The following THSD7B variants were observed in gnomAD, a reference collection of about 807,000 sequenced individuals.
The protein encoded by THSD7B is thrombospondin type-1 domain-containing protein 7B.
A neutral mutation model predicts 213.6 loss-of-function variants in THSD7B; 138 were observed. The observed-to-expected ratio is 0.65, with a 90% CI of 0.56 to 0.74. THSD7B has a LOEUF of 0.74. THSD7B is among the 30% of genes least tolerant of loss of function. The pLI is 0.00. For synonymous variants in THSD7B, 742 were observed against 687.0 expected, an observed-to-expected ratio of 1.08 and a Z score of -1.25; for missense variants, 1,931 against 1,991.5, an observed-to-expected ratio of 0.97 and a Z score of 0.58.
rs1470670543 is a variant in THSD7B, at chr2:137,177,344, G to C, written c.1723+6406G>C. The stretch of plus-strand genomic sequence containing the variant: ...AGGTTACTCTTATTTTCATTTTTTA[G>C]TTGATTCCAGATTGTATTGGAATAG... On this transcript the variant is annotated intron_variant, in intron 7 of 27. Transcript: ENST00000409968. Among the ~76,000 whole-genome samples the C allele has an allele frequency of 2.0e-5, 3 of 152,066 alleles. No homozygotes were observed. In the East Asian group the frequency reaches 5.8e-4, roughly 29 times the overall value.
chr2:137,296,434 T>C (rs1244803768), intron 12 of THSD7B, among the ~76,000 whole-genome samples: 1 of 152,152 alleles, frequency 6.6e-6, no homozygotes, highest in African/African-American at 2.4e-5. Flanking sequence ...GGGGCTAACA[T>C]ACAAGTTGGT....
At chr2:137,189,172 T>A (rs1680610233) in intron 7 of THSD7B, among the ~76,000 whole-genome samples, 1 of 152,160 alleles carries the variant, frequency 6.6e-6, no homozygotes, top group African/African-American at 2.4e-5. Flanking sequence ...CCCTGGCTGC[T>A]GCTTTGTTAG....
At chr2:137,364,568 G>T (rs1350373614) in intron 12 of THSD7B, among the ~76,000 whole-genome samples, 1 of 152,098 alleles carries the variant, frequency 6.6e-6, no homozygotes, top group Non-Finnish European at 1.5e-5. Flanking sequence ...AAATCAATGT[G>T]CCAAAATCAC....
chr2:137,369,047 C>G (rs1039712993), intron 12 of THSD7B, among the ~76,000 whole-genome samples: 1 of 143,926 alleles, frequency 6.9e-6, no homozygotes, highest in East Asian at 2.1e-4. Flanking sequence ...CTTTCACACC[C>G]AAGCCACTTA....
chr2:137,499,266 T>C (rs981303653), intron 15 of THSD7B, among the ~76,000 whole-genome samples: 2 of 152,214 alleles, frequency 1.3e-5, no homozygotes, highest in African/African-American at 4.8e-5. Flanking sequence ...GTTCCTCTTT[T>C]AGTCTCAATG....
chr2:137,241,401 ACT>A (rs1681898079), intron 9 of THSD7B, among the ~76,000 whole-genome samples: 3 of 152,018 alleles, frequency 2.0e-5, no homozygotes, highest in South Asian at 2.1e-4. Flanking sequence ...ACAAACAAAA[ACT>A]CTCTTGCTAT....
chr2:136,996,345 T>C (rs13014996), intron 2 of THSD7B, among the ~76,000 whole-genome samples: 1 of 151,996 alleles, frequency 6.6e-6, no homozygotes, highest in Non-Finnish European at 1.5e-5. Context: ...TTTTCTTTTT[T>C]CTTTTCTTTT....
chr2:137,096,502 T>C (rs1471673512), intron 4 of THSD7B, among the ~76,000 whole-genome samples: 1 of 152,180 alleles, frequency 6.6e-6, no homozygotes, highest in Non-Finnish European at 1.5e-5. Flanking sequence ...ATATTCTTAT[T>C]GTTAATATTT....
rs1238439902 is a variant in THSD7B at position 137,135,287 on chromosome 2, GCA to G, written c.1369+19997_1369+19998del. On this transcript the variant is annotated intron_variant, in intron 5 of 27. Coordinates refer to ENST00000409968, the MANE Select transcript of THSD7B (RefSeq NM_001316349.2). ...TTAGCTTTCTTTAGCATTTACACAG[GCA>G]CAGTTTCTTCTGAGCTTTAGCCCTT... 8.5e-5 allele frequency among the ~76,000 whole-genome samples: 13 copies of G among 152,124 alleles called. 1 individual carries two copies. The South Asian group carries it at 2.5e-3, about 29-fold the overall frequency.
chr2:137,197,143 T>C (rs1680780577), intron 7 of THSD7B, among the ~76,000 whole-genome samples: 1 of 152,196 alleles, frequency 6.6e-6, no homozygotes, highest in African/African-American at 2.4e-5. Context: ...TGTGGGACTT[T>C]TTCAGATTGA....
rs1680712004 is a variant in THSD7B, at chr2:137,546,369, T to TATATA, written c.3139-16851_3139-16847dup. ...AGTCAGCATATATATATATTATATATATATATAATATATATATTATATATA... is the reference window on the plus strand; with the variant it reads ...AGTCAGCATATATATATATTATATATATATAATATATAATATATATATTATATATA... On this transcript the variant is annotated intron_variant, in intron 15 of 27. Coordinates refer to ENST00000409968, the MANE Select transcript of THSD7B (RefSeq NM_001316349.2). Among the ~76,000 whole-genome samples the TATATA allele has an allele frequency of 2.9e-4, 15 of 52,446 alleles. 1 individual carries two copies. Among genetic ancestry groups the TATATA allele is most frequent in the Admixed American group, 6.1e-4 (2 of 3,264 alleles). The allele number at this position is 52,446 out of a possible 152,430, so 34.4% of individuals were successfully genotyped here.
chr2:137,352,256 C>T (rs186587837), intron 12 of THSD7B, among the ~76,000 whole-genome samples: 53 of 151,844 alleles, frequency 3.5e-4, no homozygotes, highest in African/African-American at 1.2e-3. Context: ...CAAGAAAAAT[C>T]GAGATCCTAT....
At chr2:137,247,817 T>C (rs1479721413) in intron 10 of THSD7B, among the ~76,000 whole-genome samples, 1 of 152,134 alleles carries the variant, frequency 6.6e-6, no homozygotes, top group Non-Finnish European at 1.5e-5. Flanking sequence ...TAGCATGGAT[T>C]CTTGAGTTAG....
At chr2:136,820,345 C>T (rs963765800) in intron 1 of THSD7B, among the ~76,000 whole-genome samples, 1 of 152,188 alleles carries the variant, frequency 6.6e-6, no homozygotes, top group Non-Finnish European at 1.5e-5. Flanking sequence ...TACCCTGAAC[C>T]TAGTGATCAA....
intron 12 of THSD7B, among the ~76,000 whole-genome samples, chr2:137,294,583 C>CAAAAAAAAAAAAAAAAAAA (rs1210363889): frequency 4.4e-4 from 32 of 73,222 alleles, no homozygotes; most frequent in African/African-American, 1.5e-3. Context: ...AACTCCATCT[C>CAAAAAAAAAAAAAAAAAAA]AAAAAAAAAA....
At chr2:136,806,852 A>T (rs1682291538) in intron 1 of THSD7B, among the ~76,000 whole-genome samples, 1 of 152,094 alleles carries the variant, frequency 6.6e-6, no homozygotes, top group Non-Finnish European at 1.5e-5. Flanking sequence ...CTGGATGGTG[A>T]TAGTTGCTCA....
At chr2:137,020,622 C>T (rs1686425189) in intron 2 of THSD7B, among the ~76,000 whole-genome samples, 1 of 152,092 alleles carries the variant, frequency 6.6e-6, no homozygotes, top group African/African-American at 2.4e-5. Flanking sequence ...GCACATCCCT[C>T]CCCAGAGCTC....
intron 15 of THSD7B, among the ~76,000 whole-genome samples, chr2:137,494,700 T>C (rs1679519498): frequency 6.6e-6 from 1 of 152,230 alleles, no homozygotes; most frequent in African/African-American, 2.4e-5. Flanking sequence ...TTCATTTTCC[T>C]GCTACCATTT....
chr2:136,791,704 G>A (rs1046126117), intron 1 of THSD7B, among the ~76,000 whole-genome samples: 1 of 152,046 alleles, frequency 6.6e-6, no homozygotes, highest in African/African-American at 2.4e-5. Flanking sequence ...GTACATCTGT[G>A]TTCATGAATA....
Sources: allele counts gnomAD v4.1 joint callset (sites outside exome capture counted in the v4.1 genomes callset), GRCh38; gene constraint gnomAD v4.1.1; transcripts MANE v1.5; gene names NCBI Gene and HGNC (gene_info 2026-07-23, HGNC 2026-07-21).